RAP1GAP2: variants seen among roughly 807,000 people sequenced by gnomAD.
RAP1GAP2 encodes rap1 GTPase-activating protein 2.
RAP1GAP2 carries 27 observed loss-of-function variants against 95.0 expected under a neutral mutation model. The observed-to-expected ratio is 0.28, with a 90% confidence interval of 0.21 to 0.39. The LOEUF (loss-of-function observed/expected upper bound fraction) is 0.39, where lower values mean the gene tolerates loss of function less well. Ranked by LOEUF, RAP1GAP2 falls within the 10% of genes least tolerant of loss-of-function variation. RAP1GAP2 has a pLI of 1.00. For missense variants in RAP1GAP2, 771 were observed against 970.0 expected, an observed-to-expected ratio of 0.79 and a Z score of 2.72; for synonymous variants, 373 against 380.9, an observed-to-expected ratio of 0.98 and a Z score of 0.24.
At chr17:2,925,866 C>T (rs777053924) in intron 3 of RAP1GAP2, among the ~76,000 whole-genome samples, 4 of 152,068 alleles carry the variant, frequency 2.6e-5, no homozygotes, top group Non-Finnish European at 4.4e-5. Flanking sequence ...AGGCCAGGCC[C>T]GGTGGCTCAT....
At chr17:2,809,938 C>T (rs2069686295) in intron 2 of RAP1GAP2, among the ~76,000 whole-genome samples, 1 of 152,104 alleles carries the variant, frequency 6.6e-6, no homozygotes, top group South Asian at 2.1e-4. Flanking sequence ...CCCGCTGGCT[C>T]CTCTGGGGCA....
intron 3 of RAP1GAP2, among the ~76,000 whole-genome samples, chr17:2,933,844 G>A (rs1429034903): frequency 2.6e-5 from 4 of 152,276 alleles, no homozygotes; most frequent in African/African-American, 4.8e-5. Flanking sequence ...GTTGAAGACC[G>A]GATCAGGACC....
At chr17:2,920,426 C>A (rs868171355) in intron 3 of RAP1GAP2, among the ~76,000 whole-genome samples, 5 of 152,204 alleles carry the variant, frequency 3.3e-5, no homozygotes, top group Non-Finnish European at 5.9e-5. Flanking sequence ...ACCAGCCATC[C>A]CACCCCAGAA....
chr17:3,015,722 C>T (rs1455021970), intron 17 of RAP1GAP2, among the ~76,000 whole-genome samples: 2 of 152,014 alleles, frequency 1.3e-5, no homozygotes, highest in Non-Finnish European at 2.9e-5. Context: ...GAGGCTGAGG[C>T]AGGAGAATCT....
At chr17:2,956,642 T>G (rs2044118440) in intron 3 of RAP1GAP2, among the ~76,000 whole-genome samples, 2 of 152,148 alleles carry the variant, frequency 1.3e-5, no homozygotes, top group African/African-American at 4.8e-5. Flanking sequence ...GGCAGTGACA[T>G]TAGTCTGAGG....
intron 3 of RAP1GAP2, among the ~76,000 whole-genome samples, chr17:2,946,371 C>T (rs1475647957): frequency 6.6e-6 from 1 of 152,050 alleles, no homozygotes. Flanking sequence ...AGTGTTTGGT[C>T]GGCTTCACTA....
chr17:2,964,870 A>G (rs117777725), intron 7 of RAP1GAP2: 2 of 152,430 alleles, frequency 1.3e-5, no homozygotes, highest in African/African-American at 4.8e-5. Flanking sequence ...GATTCCGGAA[A>G]TCTGTAGCCT....
chr17:2,766,990 T>C (rs2068287792), intron 1 of RAP1GAP2, among the ~76,000 whole-genome samples: 1 of 151,832 alleles, frequency 6.6e-6, no homozygotes. Flanking sequence ...CAGTTTTTTT[T>C]TTTTCATAGC....
At chr17:2,920,026 T>G (rs1597610898) in intron 3 of RAP1GAP2, among the ~76,000 whole-genome samples, 1 of 142,094 alleles carries the variant, frequency 7.0e-6, no homozygotes, top group African/African-American at 2.8e-5. Context: ...TTTTTTTTTT[T>G]GAGACAGGTT....
chr17:2,841,599 C>G (rs1390904421), intron 2 of RAP1GAP2, among the ~76,000 whole-genome samples: 2 of 152,068 alleles, frequency 1.3e-5, no homozygotes, highest in African/African-American at 4.8e-5. Context: ...AGCCACCGTG[C>G]CCGGCCGATT....
At chr17:2,831,482 G>T (rs2070850531) in intron 2 of RAP1GAP2, among the ~76,000 whole-genome samples, 1 of 151,858 alleles carries the variant, frequency 6.6e-6, no homozygotes, top group Non-Finnish European at 1.5e-5. Context: ...AGCTGCTGCT[G>T]CCTCTGCCCC....
intron 3 of RAP1GAP2, among the ~76,000 whole-genome samples, chr17:2,920,930 G>A (rs2042744059): frequency 6.6e-6 from 1 of 152,160 alleles, no homozygotes. Flanking sequence ...AGCCTGCTGT[G>A]TCTGGGACTT....
chr17:2,876,208 A>T (rs1267006498), intron 2 of RAP1GAP2, among the ~76,000 whole-genome samples: 1 of 152,100 alleles, frequency 6.6e-6, no homozygotes, highest in Non-Finnish European at 1.5e-5. Flanking sequence ...AAGTGCTGGG[A>T]TTACAGGCAT....
At chr17:2,905,072 G>A (rs1483580375) in intron 2 of RAP1GAP2, among the ~76,000 whole-genome samples, 1 of 152,118 alleles carries the variant, frequency 6.6e-6, no homozygotes, top group Non-Finnish European at 1.5e-5. Context: ...TAGTAGAGAT[G>A]GGGTTTCACC....
rs151107506 is a variant in RAP1GAP2, at chr17:2,832,793, T to C, written c.80+32243T>C. Among the ~76,000 whole-genome samples, 470 of 151,566 alleles carry C rather than the reference T, an allele frequency of 3.1e-3. 3 individuals carry two copies. The highest frequency in any genetic ancestry group is 0.011 in the African/African-American group (446 of 41,334). ...GAATTCGAGTCCAGCCTGGCCAACA[T>C]GGTGAAACCCCATCTCTACTAAAAA... On this transcript the variant is annotated intron_variant, in intron 2 of 24. Coordinates refer to ENST00000254695, the MANE Select transcript of RAP1GAP2 (RefSeq NM_015085.5).
chr17:2,981,424 C>T (rs1020185027), intron 10 of RAP1GAP2, among the ~76,000 whole-genome samples, 176 bp downstream of exon 10: 7 of 152,190 alleles, frequency 4.6e-5, no homozygotes, highest in Non-Finnish European at 8.8e-5. Context: ...CACTGGGAAC[C>T]CAACCTCAGC....
intron 18 of RAP1GAP2, among the ~76,000 whole-genome samples, chr17:3,018,438 C>A (rs770901816): frequency 6.6e-6 from 1 of 152,200 alleles, no homozygotes; most frequent in Non-Finnish European, 1.5e-5. Context: ...AGAAGCCCTC[C>A]TGTCCTGTTC....
At chr17:3,022,230 A>AT in intron 19 of RAP1GAP2, among the ~76,000 whole-genome samples, 1 of 152,220 alleles carries the variant, frequency 6.6e-6, no homozygotes, top group East Asian at 1.9e-4. Flanking sequence ...GTGGGGGCAG[A>AT]TGTCACAGAC....
chr17:2,965,827 C>T lies in RAP1GAP2; in HGVS notation c.596+184C>T, dbSNP rs958941688. The T allele has an allele frequency of 8.5e-6, 5 of 589,614 alleles. No homozygotes were observed. Among genetic ancestry groups the T allele is most frequent in the African/African-American group, 5.6e-5 (3 of 53,714 alleles). 36.5% of individuals were successfully genotyped at this position (589,614 alleles called of 1,614,324 possible). ...TGAAGTTGCCTAGCAGGGAGACCCACGCGCTCCACCAGTTAGCTGACAGTC... is the reference window on the plus strand; with the variant it reads ...TGAAGTTGCCTAGCAGGGAGACCCATGCGCTCCACCAGTTAGCTGACAGTC... On this transcript the variant is annotated intron_variant, in intron 8 of 24. Transcript: ENST00000254695. The surrounding 1 kb of genome is among the most constrained non-coding windows in gnomAD (Gnocchi z 4.7).
Sources: gnomAD v4.1 joint callset for allele counts (sites outside exome capture counted in the v4.1 genomes callset) on GRCh38, gnomAD v4.1.1 for gene constraint, Gnocchi (gnomAD v3.1) non-coding constraint, MANE v1.5 for transcripts, NCBI Gene and HGNC (gene_info 2026-07-23, HGNC 2026-07-21) for gene names.